GRB10: variants seen among roughly 807,000 people sequenced by gnomAD.
GRB10 encodes growth factor receptor bound protein 10.
Under a neutral mutation model 80.9 loss-of-function variants are expected in GRB10, and 20 were observed. That is an observed-to-expected ratio of 0.25 (90% CI 0.17 to 0.36). The LOEUF is 0.36. GRB10 is among the 10% of genes least tolerant of loss of function. The pLI is 1.00. For missense variants in GRB10, 548 were observed against 747.7 expected, an observed-to-expected ratio of 0.73 and a Z score of 3.12; for synonymous variants, 291 against 291.5, an observed-to-expected ratio of 1.00 and a Z score of 0.02.
intron 14 of GRB10, 109 bp from the exon 15 acceptor site, chr7:50,605,515 G>A (rs904053738): frequency 5.5e-6 from 5 of 915,016 alleles, no homozygotes; most frequent in Non-Finnish European, 7.3e-6. Flanking sequence ...GGGAATGCCT[G>A]CTTTCTACCT....
At chr7:50,791,368 T>A (rs1282426404) in intron 1 of GRB10, among the ~76,000 whole-genome samples, 1 of 152,200 alleles carries the variant, frequency 6.6e-6, no homozygotes, top group East Asian at 1.9e-4. Context: ...TCTCCGAGTG[T>A]GTGACTGGCA....
intron 7 of GRB10, among the ~76,000 whole-genome samples, chr7:50,659,197 G>C (rs2058966689): frequency 6.6e-6 from 1 of 152,158 alleles, no homozygotes; most frequent in African/African-American, 2.4e-5. Flanking sequence ...AATCAAACGG[G>C]AAATGTAGAA....
intron 18 of GRB10, among the ~76,000 whole-genome samples, chr7:50,594,064 G>C (rs2046220151): frequency 6.6e-6 from 1 of 151,810 alleles, no homozygotes; most frequent in Non-Finnish European, 1.5e-5. Flanking sequence ...AATTATAACT[G>C]TGTGAATAAT....
At chr7:50,785,708 C>T (rs966935613), upstream of GRB10, among the ~76,000 whole-genome samples, 2 of 152,272 alleles carry the variant, frequency 1.3e-5, no homozygotes, top group African/African-American at 4.8e-5. Context: ...CAGGCTGGCA[C>T]ACCCTCCTAC....
intron 3 of GRB10, among the ~76,000 whole-genome samples, chr7:50,734,749 G>A (rs2070497084): frequency 6.6e-6 from 1 of 152,186 alleles, no homozygotes; most frequent in African/African-American, 2.4e-5. Flanking sequence ...AAGCCCAGTG[G>A]AACAGTTTCC....
At chr7:50,632,711 C>A (rs2054229893) in intron 7 of GRB10, among the ~76,000 whole-genome samples, 1 of 152,140 alleles carries the variant, frequency 6.6e-6, no homozygotes, top group African/African-American at 2.4e-5. Context: ...GGAGGGAGAA[C>A]CACAGGGTTG....
intron 3 of GRB10, among the ~76,000 whole-genome samples, chr7:50,740,376 C>G (rs1243437965): frequency 1.3e-5 from 2 of 152,202 alleles, no homozygotes; most frequent in African/African-American, 2.4e-5. Context: ...ATACCCAGAA[C>G]AGCAGATAGT....
At chr7:50,635,085 A>AT (rs60067655) in intron 7 of GRB10, among the ~76,000 whole-genome samples, 63,780 of 152,080 alleles carry the variant, frequency 0.42, 13,457 homozygotes, top group Admixed American at 0.45. Flanking sequence ...CAGAATATAC[A>AT]TTTTTCTCAT....
intron 3 of GRB10, among the ~76,000 whole-genome samples, chr7:50,735,490 G>A (rs993139969): frequency 3.9e-5 from 6 of 152,128 alleles, no homozygotes; most frequent in African/African-American, 1.4e-4. Context: ...AGCTGGCTAA[G>A]ATTGAAAGGG....
chr7:50,613,513 T>C (rs1335959606), intron 12 of GRB10, among the ~76,000 whole-genome samples: 1 of 152,146 alleles, frequency 6.6e-6, no homozygotes, highest in Non-Finnish European at 1.5e-5. Flanking sequence ...GACCTGCATC[T>C]CCAGAAGAAC....
rs563654234 is a variant in GRB10, at chr7:50,599,678, C to G, written c.1545-4148G>C. Among the ~76,000 whole-genome samples the G allele has an allele frequency of 3.3e-5, 5 of 152,180 alleles. No individual in the cohort carries two copies. In the South Asian group the frequency reaches 1.0e-3, roughly 32 times the overall value. On this transcript the variant is annotated intron_variant, in intron 17 of 18. Transcript: ENST00000401949. Reference sequence around the variant, plus strand: ...GCACCAGCCGGGCTGATTTGGGGAACGGAAGGTAACAGAGGTGATGCTTCT... The same window carrying G: ...GCACCAGCCGGGCTGATTTGGGGAAGGGAAGGTAACAGAGGTGATGCTTCT...
chr7:50,705,415 T>C, intron 4 of GRB10: 1 of 442,092 alleles, frequency 2.3e-6, no homozygotes, highest in Non-Finnish European at 3.0e-6. Flanking sequence ...AGAAATAGCT[T>C]TCTTTTCATT....
Position 50,674,440 on chromosome 7 carries a change from C to T in GRB10, c.358G>A (p.Val120Ile). Residue 120 changes from valine (V) to isoleucine (I), a missense_variant, in exon 6 of 19, where the codon GTC becomes ATC. Around this residue, in one of 4 missense-constraint regions of GRB10, gnomAD observed 245 missense variants for 229.3 expected, o/e 1.07. Coordinates refer to ENST00000401949, the MANE Select transcript of GRB10 (RefSeq NM_001350814.2). ...GCCCATAAGGCCTGGACCTACCTGACAGCGAGGATGTGCACAGGCTGGGAG... is the reference window on the plus strand; with the variant it reads ...GCCCATAAGGCCTGGACCTACCTGATAGCGAGGATGTGCACAGGCTGGGAG... The part of the protein sequence containing the change: ...QRSQPVHILA[V>I]RRLQEEDQQF... 1 of 1,604,034 alleles carries T rather than the reference C, an allele frequency of 6.2e-7. No homozygotes were observed.
intron 3 of GRB10, among the ~76,000 whole-genome samples, chr7:50,749,520 T>C (rs1487106655): frequency 6.6e-6 from 1 of 152,230 alleles, no homozygotes; most frequent in East Asian, 1.9e-4. Context: ...TTTTTTCTAC[T>C]CTGGCCACAC....
intron 16 of GRB10, 69 bp from the exon 17 acceptor site, chr7:50,604,154 A>G: frequency 7.2e-7 from 1 of 1,397,584 alleles, no homozygotes; most frequent in Non-Finnish European, 1.0e-6. Flanking sequence ...TGACAGCACA[A>G]CCAACTCTGA....
chr7:50,742,851 GA>G (rs996043287), intron 3 of GRB10, among the ~76,000 whole-genome samples: 5 of 151,954 alleles, frequency 3.3e-5, no homozygotes, highest in African/African-American at 1.2e-4. Flanking sequence ...AAATATTGGG[GA>G]AAAAATTCAG....
chr7:50,748,306 G>A (rs185540815), intron 3 of GRB10, among the ~76,000 whole-genome samples: 268 of 152,362 alleles, frequency 1.8e-3, no homozygotes, highest in Admixed American at 3.7e-3. Context: ...GTTAGAGATG[G>A]ACATCAGACA....
chr7:50,759,690 A>G (rs964793489), intron 2 of GRB10, among the ~76,000 whole-genome samples: 4 of 152,222 alleles, frequency 2.6e-5, no homozygotes, highest in African/African-American at 7.2e-5. Context: ...TGGAACCCAC[A>G]GACGCACAAG....
chr7:50,755,617 G>A (rs2074957062), intron 3 of GRB10, among the ~76,000 whole-genome samples: 1 of 152,204 alleles, frequency 6.6e-6, no homozygotes, highest in East Asian at 1.9e-4. Flanking sequence ...TGTCCGCGAG[G>A]AGAGTGTGCG....
Sources: allele counts gnomAD v4.1 joint callset (sites outside exome capture counted in the v4.1 genomes callset), GRCh38; gene constraint gnomAD v4.1.1; regional missense constraint gnomAD v4.1.1; transcripts MANE v1.5; gene names NCBI Gene and HGNC (gene_info 2026-07-23, HGNC 2026-07-21).